BTAF1: variants seen among roughly 807,000 people sequenced by gnomAD.
The protein encoded by BTAF1 is B-TFIID TATA-box binding protein associated factor 1.
Under a neutral mutation model 227.1 loss-of-function variants are expected in BTAF1, and 38 were observed. The ratio of observed to expected loss-of-function variants is 0.17; its 90% CI spans 0.13 to 0.22. The LOEUF (loss-of-function observed/expected upper bound fraction) is 0.22, where lower values mean the gene tolerates loss of function less well. Among genes scored for constraint, BTAF1 ranks in the 10% least tolerant of loss-of-function variants. BTAF1 has a pLI of 1.00. For missense variants in BTAF1, 1,598 were observed against 2,204.0 expected, an observed-to-expected ratio of 0.73 and a Z score of 5.51; for synonymous variants, 742 against 751.9, an observed-to-expected ratio of 0.99 and a Z score of 0.21.
At chr10:92,016,197 T>C (rs1289926574) in intron 32 of BTAF1, 143 bp from the exon 33 acceptor site, 1 of 917,556 alleles carries the variant, frequency 1.1e-6, no homozygotes, top group East Asian at 3.0e-5. Flanking sequence ...GTAATTCCTG[T>C]AGTGAATTAG....
chr10:92,009,173 G>A lies in BTAF1; in HGVS notation c.4068G>A (p.Pro1356=), dbSNP rs375996071. The change falls in exon 28 of 38, where the codon CCG becomes CCA. Residue 1356 remains proline (P), a synonymous_variant. Coordinates refer to ENST00000265990, the MANE Select transcript of BTAF1 (RefSeq NM_003972.3). ...GKFCSREYLN[P]LHYTGPPTER... Reference sequence around the variant, plus strand: ...TTTGCTCTAGAGAATATCTCAACCCGTTGCATTACACTGGACCTCCCACTG... The same window carrying A: ...TTTGCTCTAGAGAATATCTCAACCCATTGCATTACACTGGACCTCCCACTG... The A allele has an allele frequency of 2.3e-5, 37 of 1,613,946 alleles. No homozygotes were observed. The highest frequency in any genetic ancestry group is 4.0e-5 in the African/African-American group (3 of 74,914).
At chr10:92,023,795 C>A (rs1018541647) in intron 34 of BTAF1, among the ~76,000 whole-genome samples, 1 of 152,106 alleles carries the variant, frequency 6.6e-6, no homozygotes, top group African/African-American at 2.4e-5. Flanking sequence ...GCCACTACAC[C>A]TGGCTGTTTT....
chr10:91,931,154 G>C (rs776864411), intron 1 of BTAF1, among the ~76,000 whole-genome samples: 3 of 152,192 alleles, frequency 2.0e-5, no homozygotes, highest in Non-Finnish European at 4.4e-5. Context: ...AGAGGGGTTA[G>C]ATTGCAACTG....
In BTAF1 at chr10:92,028,748, C is replaced by T. The variant is rs748791955; in HGVS notation, c.5407-42C>T. On this transcript the variant is annotated intron_variant, in intron 37 of 37. Coordinates refer to ENST00000265990, the MANE Select transcript of BTAF1 (RefSeq NM_003972.3). The stretch of plus-strand genomic sequence containing the variant: ...AGGAAAATACAATTTGTGAAGTTAA[C>T]CTCTCATTTTATTTTTTTTTTTTTT... 7.3e-6 allele frequency: 11 copies of T among 1,512,456 alleles called. No homozygotes were observed. The African/African-American group carries it at 1.3e-4, about 18-fold the overall frequency. The allele number at this position is 1,512,456 out of a possible 1,614,324, so 93.7% of individuals were successfully genotyped here. A position where few individuals can be genotyped will look rare whatever the true frequency, so the allele number is the denominator to read the frequency against.
intron 24 of BTAF1, among the ~76,000 whole-genome samples, chr10:91,996,835 A>G (rs1023134466): frequency 6.6e-6 from 1 of 152,182 alleles, no homozygotes; most frequent in African/African-American, 2.4e-5. Flanking sequence ...TAATAGGCAA[A>G]ATAGTTTTAT....
rs184838343 is a variant in BTAF1, at chr10:92,003,118, T to C, written c.3661-5005T>C. ...TTGCAGTGAGTTGAGATGGGGCCAC[T>C]GCACTCCAGCTTGGGCGACAGAGTG... On this transcript the variant is annotated intron_variant, in intron 25 of 37. Transcript: ENST00000265990. Among the ~76,000 whole-genome samples the C allele has an allele frequency of 1.2e-4, 18 of 148,410 alleles. No individual in the cohort carries two copies. In the East Asian group the frequency reaches 3.6e-3, roughly 29 times the overall value.
intron 9 of BTAF1, chr10:91,959,384 A>G (rs931181858): frequency 5.2e-6 from 4 of 766,206 alleles, no homozygotes; most frequent in Non-Finnish European, 7.4e-6. Flanking sequence ...GACACTGGTA[A>G]TAGTATAAAT....
chr10:91,982,528 T>A, intron 17 of BTAF1, 59 bp from the exon 18 acceptor site: 2 of 1,516,942 alleles, frequency 1.3e-6, no homozygotes. Flanking sequence ...TTTCCCGAAG[T>A]ATGGGGAAAC....
chr10:91,925,246 T>C (rs758420442), intron 1 of BTAF1, among the ~76,000 whole-genome samples: 5 of 152,162 alleles, frequency 3.3e-5, no homozygotes, highest in Non-Finnish European at 5.9e-5. Flanking sequence ...TAAAACTGCC[T>C]TGAGAGAATA....
chr10:91,955,841 T>G (rs747812399), intron 6 of BTAF1, among the ~76,000 whole-genome samples: 71 of 152,122 alleles, frequency 4.7e-4, no homozygotes, highest in Non-Finnish European at 7.5e-4. Flanking sequence ...TTTATCACCT[T>G]ATAGAAAAAA....
intron 14 of BTAF1, 111 bp from the exon 15 acceptor site, chr10:91,980,343 A>G: frequency 1.3e-6 from 1 of 767,324 alleles, no homozygotes; most frequent in Non-Finnish European, 2.1e-6. Context: ...TTTTAATGAA[A>G]CCATGCAGTC....
intron 19 of BTAF1, 115 bp from the exon 20 acceptor site, chr10:91,989,039 A>T (rs1848582830): frequency 1.2e-6 from 1 of 845,890 alleles, no homozygotes; most frequent in Non-Finnish European, 1.8e-6. Context: ...AAACAATATT[A>T]CATATTGTGG....
intron 14 of BTAF1, among the ~76,000 whole-genome samples, chr10:91,969,735 G>T (rs955384386): frequency 6.6e-6 from 1 of 152,052 alleles, no homozygotes; most frequent in African/African-American, 2.4e-5. Context: ...AGGCTGAGGC[G>T]GGCGGATCAC....
chr10:91,970,214 A>G (rs1232471269), intron 14 of BTAF1, among the ~76,000 whole-genome samples: 2 of 151,430 alleles, frequency 1.3e-5, no homozygotes, highest in African/African-American at 4.9e-5. Flanking sequence ...TTGTCTTTGT[A>G]TGTAATTTGT....
In BTAF1 at chr10:92,030,018, A is replaced by T. The variant is rs1851794606; in HGVS notation, c.*1085A>T. ...GATAGATGTGCATGTATGTGTTTGT[A>T]TATATAATTTTATAAGTTTCACGCA... On this transcript the variant is annotated 3_prime_UTR_variant, in exon 38 of 38. Transcript: ENST00000265990. 1 of 152,548 alleles carries T rather than the reference A, an allele frequency of 6.6e-6. No homozygotes were observed. The highest frequency in any genetic ancestry group is 2.4e-5 in the African/African-American group (1 of 41,464). The allele number at this position is 152,548 out of a possible 1,614,324, so 9.4% of individuals were successfully genotyped here.
At chr10:91,959,454 T>G (rs564898971) in intron 9 of BTAF1, among the ~76,000 whole-genome samples, 1 of 152,220 alleles carries the variant, frequency 6.6e-6, no homozygotes, top group African/African-American at 2.4e-5. Context: ...AGTTTCTTAA[T>G]TTCTCTTGGA....
intron 30 of BTAF1, among the ~76,000 whole-genome samples, chr10:92,011,776 T>C (rs187445613): frequency 3.7e-4 from 57 of 152,276 alleles, no homozygotes; most frequent in East Asian, 1.9e-3. Flanking sequence ...TGAATCATCA[T>C]ATAGTAGAAG....
chr10:91,950,149 G>GTTGGGGC (rs142564084), intron 4 of BTAF1, among the ~76,000 whole-genome samples: 2 of 39,596 alleles, frequency 5.1e-5, no homozygotes, highest in African/African-American at 1.3e-4. Flanking sequence ...TGTCCTTTGT[G>GTTGGGGC]GGGGGGGGCG....
At chr10:91,960,594 T>G (rs1444748941) in intron 11 of BTAF1, among the ~76,000 whole-genome samples, 1 of 151,896 alleles carries the variant, frequency 6.6e-6, no homozygotes. Context: ...AGTGTTTTTT[T>G]TTTTTTTTTA....
Sources: allele counts gnomAD v4.1 joint callset (sites outside exome capture counted in the v4.1 genomes callset), GRCh38; gene constraint gnomAD v4.1.1; transcripts MANE v1.5; gene names NCBI Gene and HGNC (gene_info 2026-07-23, HGNC 2026-07-21).